C8orf34: variants seen among roughly 807,000 people sequenced by gnomAD.
C8orf34 encodes chromosome 8 open reading frame 34.
In C8orf34, 65 loss-of-function variants were observed where a neutral mutation model predicts 68.3. The observed-to-expected ratio is 0.95, with a 90% CI of 0.78 to 1.17. C8orf34 has a LOEUF of 1.17. C8orf34 is among the 50% of genes most tolerant of loss of function. The probability of loss-of-function intolerance (pLI) is 0.00; values close to 1 mark genes in which losing one functional copy is unlikely to be tolerated. For missense variants in C8orf34, 664 were observed against 655.4 expected (o/e 1.01, Z -0.14); for synonymous variants, 244 against 241.2 (o/e 1.01, Z -0.11).
At chr8:68,467,876 C>T (rs1812216511) in intron 3 of C8orf34, among the ~76,000 whole-genome samples, 1 of 151,798 alleles carries the variant, frequency 6.6e-6, no homozygotes, top group African/African-American at 2.4e-5. Flanking sequence ...TATTTTTGCC[C>T]CTGAAAAGTT....
rs1586190620 is a variant in C8orf34 at position 68,463,402 on chromosome 8, A to G, written c.608-5290A>G. 2.0e-5 allele frequency among the ~76,000 whole-genome samples: 3 copies of G among 151,208 alleles called. No homozygotes were observed. In the Admixed American group the frequency reaches 2.0e-4, roughly 10 times the overall value. ...TACCATTCCTTCTGAAACTATTCCA[A>G]TCAACAGAAAAAGAGGGAATCCTCC... On this transcript the variant is annotated intron_variant, in intron 3 of 13. Coordinates refer to ENST00000518698, the MANE Select transcript of C8orf34 (RefSeq NM_052958.4).
intron 10 of C8orf34, among the ~76,000 whole-genome samples, chr8:68,748,770 C>G (rs1822597193): frequency 1.3e-5 from 2 of 152,178 alleles, no homozygotes. Flanking sequence ...GAAATAGGAA[C>G]ACTTCTACAC....
chr8:68,766,245 A>G (rs775356502), intron 10 of C8orf34, among the ~76,000 whole-genome samples: 1 of 152,200 alleles, frequency 6.6e-6, no homozygotes, highest in Non-Finnish European at 1.5e-5. Context: ...CCATGCTCCT[A>G]TCTGAGTCAC....
At chr8:68,478,642 C>T (rs930115386) in intron 4 of C8orf34, among the ~76,000 whole-genome samples, 2 of 152,136 alleles carry the variant, frequency 1.3e-5, no homozygotes, top group African/African-American at 4.8e-5. Flanking sequence ...ATTCACAGTC[C>T]TACATGGCTG....
At chr8:68,614,905 T>C (rs1200504873) in intron 7 of C8orf34, among the ~76,000 whole-genome samples, 1 of 152,190 alleles carries the variant, frequency 6.6e-6, no homozygotes, top group African/African-American at 2.4e-5. Flanking sequence ...ACGATATTGA[T>C]TCTTCCTACC....
chr8:68,787,982 A>G (rs1278680330), intron 12 of C8orf34, among the ~76,000 whole-genome samples: 1 of 152,184 alleles, frequency 6.6e-6, no homozygotes, highest in East Asian at 1.9e-4. Context: ...TAATATTATA[A>G]GATAACTGAA....
In C8orf34 at chr8:68,615,941, G is replaced by C. The variant is rs185650867; in HGVS notation, c.1106-24435G>C. ...GTCCTGGACTCTTTTTGGTTGGTAAGCTATTGATTATTGCCACAATTTCAG... is the reference window on the plus strand; with the variant it reads ...GTCCTGGACTCTTTTTGGTTGGTAACCTATTGATTATTGCCACAATTTCAG... On this transcript the variant is annotated intron_variant, in intron 7 of 13. Transcript: ENST00000518698. Among the ~76,000 whole-genome samples, 805 of 151,080 alleles carry C rather than the reference G, an allele frequency of 5.3e-3. 4 individuals carry two copies. The highest frequency in any genetic ancestry group is 0.014 in the Middle Eastern group (4 of 292).
At chr8:68,767,395 T>C (rs1045998276) in intron 10 of C8orf34, among the ~76,000 whole-genome samples, 4 of 152,220 alleles carry the variant, frequency 2.6e-5, no homozygotes, top group African/African-American at 9.6e-5. Context: ...TTAAAAAATC[T>C]GGCACATCCT....
At chr8:68,441,973 G>A (rs1421254026) in intron 2 of C8orf34, among the ~76,000 whole-genome samples, 1 of 152,166 alleles carries the variant, frequency 6.6e-6, no homozygotes, top group Non-Finnish European at 1.5e-5. Context: ...TTGGATGTGA[G>A]TCTAAAGCTT....
At chr8:68,693,975 T>A (rs973741428) in intron 8 of C8orf34, among the ~76,000 whole-genome samples, 2 of 152,074 alleles carry the variant, frequency 1.3e-5, no homozygotes, top group Non-Finnish European at 2.9e-5. Context: ...CAGTTGCTAT[T>A]TTCTTTTCAA....
At chr8:68,367,928 AAAAAAAAAAG>A in intron 1 of C8orf34, among the ~76,000 whole-genome samples, 1 of 148,948 alleles carries the variant, frequency 6.7e-6, no homozygotes, top group Non-Finnish European at 1.5e-5. Flanking sequence ...AAAAAAAAAA[AAAAAAAAAAG>A]AAAAAAGTAC....
At chr8:68,388,826 G>A (rs558915091) in intron 1 of C8orf34, among the ~76,000 whole-genome samples, 4 of 152,034 alleles carry the variant, frequency 2.6e-5, no homozygotes, top group Non-Finnish European at 4.4e-5. Flanking sequence ...GATGTAAAGT[G>A]GTACCCCAAA....
At chr8:68,797,019 G>T (rs112145241) in intron 12 of C8orf34, among the ~76,000 whole-genome samples, 56 of 152,046 alleles carry the variant, frequency 3.7e-4, no homozygotes, top group African/African-American at 1.3e-3. Context: ...TAGAGATGGG[G>T]TTTCACCATG....
intron 5 of C8orf34, among the ~76,000 whole-genome samples, chr8:68,520,946 C>T (rs1814728457): frequency 6.6e-6 from 1 of 152,210 alleles, no homozygotes. Flanking sequence ...ACTAAAATTA[C>T]CTGTAGTTCC....
intron 8 of C8orf34, among the ~76,000 whole-genome samples, chr8:68,696,327 C>T (rs1434802910): frequency 1.4e-5 from 2 of 147,362 alleles, no homozygotes; most frequent in Non-Finnish European, 3.0e-5. Context: ...AATCAAAACA[C>T]ATAATAGATT....
intron 7 of C8orf34, chr8:68,535,170 G>A (rs1196795148): frequency 1.0e-6 from 1 of 984,534 alleles, no homozygotes; most frequent in Non-Finnish European, 1.2e-6. Context: ...GTATGTGATT[G>A]TGTCTATTTC....
chr8:68,688,640 A>T (rs1412925626), intron 8 of C8orf34, among the ~76,000 whole-genome samples: 4 of 152,186 alleles, frequency 2.6e-5, no homozygotes, highest in African/African-American at 9.6e-5. Context: ...TACACCATGG[A>T]ATACTATGCA....
intron 1 of C8orf34, among the ~76,000 whole-genome samples, chr8:68,333,902 G>A (rs1198513275): frequency 1.3e-5 from 2 of 152,038 alleles, no homozygotes; most frequent in Non-Finnish European, 2.9e-5. Context: ...GAAAATATGC[G>A]GTATCTGATA....
At chr8:68,807,703 T>A (rs777971653) in intron 12 of C8orf34, among the ~76,000 whole-genome samples, 27 of 152,352 alleles carry the variant, frequency 1.8e-4, no homozygotes, top group Non-Finnish European at 3.2e-4. Context: ...GAGCATTATA[T>A]ATGATATGTT....
Sources: allele counts gnomAD v4.1 joint callset (sites outside exome capture counted in the v4.1 genomes callset), GRCh38; gene constraint gnomAD v4.1.1; transcripts MANE v1.5; gene names NCBI Gene and HGNC (gene_info 2026-07-23, HGNC 2026-07-21).